MGAT4C: variants seen among roughly 807,000 people sequenced by gnomAD.
The protein encoded by MGAT4C is MGAT4 family member C.
A neutral mutation model predicts 40.1 loss-of-function variants in MGAT4C; 19 were observed. That is an observed-to-expected ratio of 0.47 (90% confidence interval 0.33 to 0.70). The LOEUF (loss-of-function observed/expected upper bound fraction) is 0.70, where lower values mean the gene tolerates loss of function less well. Among genes scored for constraint, MGAT4C ranks in the 30% least tolerant of loss-of-function variants. The pLI is 0.02. For synonymous variants in MGAT4C, 181 were observed against 187.1 expected (o/e 0.97, Z 0.27); for missense variants, 491 against 563.2 (o/e 0.87, Z 1.30).
At chr12:86,121,933 A>G (rs988659255) in intron 1 of MGAT4C, among the ~76,000 whole-genome samples, 5 of 152,210 alleles carry the variant, frequency 3.3e-5, no homozygotes, top group African/African-American at 1.2e-4. Context: ...ACATTTCACA[A>G]TTGTGATCAT....
intron 3 of MGAT4C, among the ~76,000 whole-genome samples, chr12:86,343,041 C>T (rs1299752025): frequency 6.6e-6 from 1 of 152,080 alleles, no homozygotes; most frequent in Non-Finnish European, 1.5e-5. Flanking sequence ...AAGCTCAGGG[C>T]TGTTTTGGAA....
At chr12:86,254,845 C>A (rs775170643) in intron 1 of MGAT4C, among the ~76,000 whole-genome samples, 3 of 151,984 alleles carry the variant, frequency 2.0e-5, no homozygotes, top group South Asian at 4.1e-4. Flanking sequence ...ACGTCTGACA[C>A]TGTCTATAAA....
chr12:86,102,417 A>G (rs1875277708), intron 1 of MGAT4C, among the ~76,000 whole-genome samples: 1 of 152,078 alleles, frequency 6.6e-6, no homozygotes, highest in Admixed American at 6.6e-5. Context: ...TGAAAACAAA[A>G]CAAACGAAAA....
At chr12:86,355,987 G>T (rs1219113138) in intron 3 of MGAT4C, among the ~76,000 whole-genome samples, 1 of 151,996 alleles carries the variant, frequency 6.6e-6, no homozygotes, top group East Asian at 1.9e-4. Flanking sequence ...CAAAGAGGGG[G>T]TTGCATAAAT....
intron 2 of MGAT4C, among the ~76,000 whole-genome samples, chr12:86,687,648 T>TAA (rs1166671394): frequency 3.3e-5 from 5 of 152,210 alleles, no homozygotes; most frequent in African/African-American, 1.2e-4. Context: ...TGTGCAGTTT[T>TAA]AAGTGAGTTT....
intron 1 of MGAT4C, among the ~76,000 whole-genome samples, chr12:86,738,296 T>C (rs903147958): frequency 3.3e-5 from 5 of 151,450 alleles, no homozygotes; most frequent in Admixed American, 6.6e-5. Context: ...TTTAGTGAGG[T>C]ATTCCAGCCA....
intron 1 of MGAT4C, among the ~76,000 whole-genome samples, chr12:86,774,299 CTTTCTTTCTTTCTTTCTTTCTTT>C (rs1951697006): frequency 1.3e-5 from 1 of 78,242 alleles, no homozygotes; most frequent in South Asian, 5.0e-4. Flanking sequence ...TTCTTTCTTT[CTTTCTTTCTTTCTTTCTTTCTTT>C]CTTTCTTTCT....
At chr12:86,584,061 T>A (rs1236432775) in intron 2 of MGAT4C, among the ~76,000 whole-genome samples, 4 of 150,888 alleles carry the variant, frequency 2.7e-5, no homozygotes, top group Non-Finnish European at 5.9e-5. Flanking sequence ...AAGGACGATA[T>A]ATAAAAGTCA....
chr12:86,750,391 C>G (rs1951216497), intron 1 of MGAT4C, among the ~76,000 whole-genome samples: 1 of 151,870 alleles, frequency 6.6e-6, no homozygotes, highest in Admixed American at 6.6e-5. Context: ...GCTATACTTT[C>G]TACCCACTAT....
chr12:86,339,039 C>T (rs1954850445), intron 3 of MGAT4C, among the ~76,000 whole-genome samples: 1 of 150,336 alleles, frequency 6.7e-6, no homozygotes, highest in East Asian at 1.9e-4. Flanking sequence ...CTGTCAGATG[C>T]TGCTTTATGC....
intron 3 of MGAT4C, among the ~76,000 whole-genome samples, chr12:86,431,929 C>T (rs1957047000): frequency 6.6e-6 from 1 of 151,726 alleles, no homozygotes; most frequent in South Asian, 2.1e-4. Flanking sequence ...GAAATAAAGA[C>T]TATGGAGAGA....
chr12:86,132,791 C>CAAAAAAAAAAAAA (rs60321690), intron 1 of MGAT4C, among the ~76,000 whole-genome samples: 6 of 93,722 alleles, frequency 6.4e-5, no homozygotes, highest in East Asian at 3.1e-4. Flanking sequence ...GACTCCGTCT[C>CAAAAAAAAAAAAA]AAAAAAAAAA....
In MGAT4C at chr12:85,968,048, A is replaced by G. The variant is rs1446799988; in HGVS notation, c.*11241T>C. The stretch of plus-strand genomic sequence containing the variant: ...GCTATCTGAAATTTAAAAATTTGAC[A>G]AATTTTTAAAGTACCCAGTTCTTGG... On this transcript the variant is annotated 3_prime_UTR_variant, in exon 5 of 5. Coordinates refer to ENST00000611864, the MANE Select transcript of MGAT4C (RefSeq NM_001351288.2). 1 of 152,068 alleles carries G rather than the reference A, an allele frequency of 6.6e-6. No individual in the cohort carries two copies. Among genetic ancestry groups the G allele is most frequent in the Non-Finnish European group, 1.5e-5 (1 of 67,936 alleles). 9.4% of individuals were successfully genotyped at this position (152,068 alleles called of 1,614,324 possible). A position where few individuals can be genotyped will look rare whatever the true frequency, so the allele number is the denominator to read the frequency against.
intron 2 of MGAT4C, among the ~76,000 whole-genome samples, chr12:86,473,012 A>G (rs930471949): frequency 6.6e-6 from 1 of 151,960 alleles, no homozygotes; most frequent in African/African-American, 2.4e-5. Flanking sequence ...ATGGAGTGCA[A>G]TGGTGCAATC....
chr12:86,588,089 C>A (rs1188341645), intron 2 of MGAT4C, among the ~76,000 whole-genome samples: 1 of 151,752 alleles, frequency 6.6e-6, no homozygotes, highest in African/African-American at 2.4e-5. Context: ...GTGGGTCTGT[C>A]ATAGACAGCT....
intron 2 of MGAT4C, among the ~76,000 whole-genome samples, chr12:86,041,108 C>T (rs76821235): frequency 0.027 from 4,120 of 151,756 alleles, 153 homozygotes; most frequent in African/African-American, 0.085. Flanking sequence ...TGCTGCAGAC[C>T]GGAGCTTTTC....
At chr12:86,115,568 AAGTAGTGTTAATT>A (rs1191780296) in intron 1 of MGAT4C, among the ~76,000 whole-genome samples, 2 of 152,084 alleles carry the variant, frequency 1.3e-5, no homozygotes, top group Non-Finnish European at 2.9e-5. Context: ...ATACAACTCT[AAGTAGTGTTAATT>A]AATCTAGGTC....
At chr12:86,031,583 T>G (rs933256114) in intron 2 of MGAT4C, among the ~76,000 whole-genome samples, 2 of 151,774 alleles carry the variant, frequency 1.3e-5, no homozygotes, top group Non-Finnish European at 2.9e-5. Flanking sequence ...ACACCTGCAA[T>G]GTTCAAATGA....
chr12:86,395,509 G>A (rs1408018871), intron 3 of MGAT4C, among the ~76,000 whole-genome samples: 2 of 152,110 alleles, frequency 1.3e-5, no homozygotes, highest in Non-Finnish European at 2.9e-5. Context: ...AGAGAAAAAT[G>A]AGGTGAGTTA....
Sources: allele counts gnomAD v4.1 joint callset (sites outside exome capture counted in the v4.1 genomes callset), GRCh38; gene constraint gnomAD v4.1.1; transcripts MANE v1.5; gene names NCBI Gene and HGNC (gene_info 2026-07-23, HGNC 2026-07-21).